Variants in FAXDC2 observed in about 807,000 individuals in gnomAD.
The protein encoded by FAXDC2 is fatty acid hydroxylase domain-containing protein 2.
FAXDC2 carries 41 observed loss-of-function variants against 40.9 expected under a neutral mutation model. That is an observed-to-expected ratio of 1.00 (90% confidence interval 0.78 to 1.30). FAXDC2 has a LOEUF of 1.30. FAXDC2 is among the 50% of genes most tolerant of loss of function. The pLI, the probability that FAXDC2 is intolerant of heterozygous loss-of-function variation, is 0.00. For missense variants in FAXDC2, 390 were observed against 408.8 expected, an observed-to-expected ratio of 0.95 and a Z score of 0.40; for synonymous variants, 157 against 149.3, an observed-to-expected ratio of 1.05 and a Z score of -0.38.
chr5:154,825,650 C>CAAAAAAAAAAAAAGAAAAAA (rs1760010958), intron 5 of FAXDC2, among the ~76,000 whole-genome samples: 1 of 30,150 alleles, frequency 3.3e-5, no homozygotes, highest in Admixed American at 4.2e-4. Flanking sequence ...GACTCCGTCT[C>CAAAAAAAAAAAAAGAAAAAA]AAAAAAAAAA....
At chr5:154,821,016 G>A (rs1485503646) in intron 8 of FAXDC2, 1 of 502,272 alleles carries the variant, frequency 2.0e-6, no homozygotes, top group Non-Finnish European at 3.6e-6. Context: ...TAAAGAGAAT[G>A]TCCAGAGCTT....
At chr5:154,838,590 GTTGGT>G (rs973394610) in intron 1 of FAXDC2, 11 of 215,176 alleles carry the variant, frequency 5.1e-5, no homozygotes, top group African/African-American at 1.9e-4. Context: ...GTTCTAGCAA[GTTGGT>G]TTGGTTTGTT....
At chr5:154,834,080 A>G (rs951305399) in intron 4 of FAXDC2, among the ~76,000 whole-genome samples, 6 of 148,644 alleles carry the variant, frequency 4.0e-5, no homozygotes. Context: ...AATATATATT[A>G]AATAAATTGT....
At chr5:154,820,671 C>T (rs530150912) in intron 8 of FAXDC2, 199 bp from the exon 9 acceptor site, 9 of 479,860 alleles carry the variant, frequency 1.9e-5, no homozygotes, top group African/African-American at 4.1e-5. Flanking sequence ...TGCAATTTGC[C>T]GTATCTGGAG....
At chr5:154,849,434 A>G (rs1195922185) in intron 1 of FAXDC2, among the ~76,000 whole-genome samples, 3 of 152,108 alleles carry the variant, frequency 2.0e-5, no homozygotes, top group East Asian at 1.9e-4. Flanking sequence ...TTGCATGTCC[A>G]TGAGGCCGAG....
chr5:154,847,135 A>T (rs185950840), intron 1 of FAXDC2, among the ~76,000 whole-genome samples: 257 of 151,640 alleles, frequency 1.7e-3, no homozygotes, highest in African/African-American at 5.7e-3. Context: ...GCGAATTTTT[A>T]AAAAATTTTT....
At chr5:154,838,442 A>G (rs1760406140) in intron 1 of FAXDC2, 1 of 455,502 alleles carries the variant, frequency 2.2e-6, no homozygotes, top group South Asian at 2.5e-5. Flanking sequence ...CAAAAAATGT[A>G]TGATAATGCT....
At chr5:154,837,274 T>A (rs912084433) in intron 2 of FAXDC2, among the ~76,000 whole-genome samples, 2 of 151,238 alleles carry the variant, frequency 1.3e-5, no homozygotes, top group African/African-American at 4.9e-5. Context: ...CTTGCTCTTT[T>A]TTTTGTTTTT....
chr5:154,846,177 T>G (rs781534082), intron 1 of FAXDC2, among the ~76,000 whole-genome samples: 1 of 151,658 alleles, frequency 6.6e-6, no homozygotes, highest in Admixed American at 6.6e-5. Context: ...TAGAATACAT[T>G]GATGTTGAAG....
chr5:154,840,677 G>A (rs1012496412), intron 1 of FAXDC2, among the ~76,000 whole-genome samples: 3 of 152,032 alleles, frequency 2.0e-5, no homozygotes, highest in Non-Finnish European at 4.4e-5. Flanking sequence ...CTGAGTAGCT[G>A]GGAATACAGA....
intron 1 of FAXDC2, among the ~76,000 whole-genome samples, chr5:154,842,422 T>C (rs1049735518): frequency 2.0e-5 from 3 of 146,954 alleles, no homozygotes; most frequent in African/African-American, 7.6e-5. Context: ...GCCAGGCTGG[T>C]CTCTAACTCC....
At chr5:154,846,269 AGTGTGTGTGTGT>A (rs10674936) in intron 1 of FAXDC2, among the ~76,000 whole-genome samples, 7 of 147,448 alleles carry the variant, frequency 4.7e-5, no homozygotes, top group Non-Finnish European at 9.0e-5. Flanking sequence ...TGAACTAGAT[AGTGTGTGTGTGT>A]GTGTGTGTGT....
chr5:154,829,963 G>A (rs1294027481), intron 5 of FAXDC2, among the ~76,000 whole-genome samples: 1 of 152,196 alleles, frequency 6.6e-6, no homozygotes, highest in Non-Finnish European at 1.5e-5. Context: ...TCCAGTTCAG[G>A]AAGGGGCCCA....
At chr5:154,835,849 G>A (rs2113153941) in intron 2 of FAXDC2, among the ~76,000 whole-genome samples, 1 of 144,838 alleles carries the variant, frequency 6.9e-6, no homozygotes, top group East Asian at 2.0e-4. Flanking sequence ...CCTAAGTGCT[G>A]GGATTACAGG....
rs532445422 is a variant in FAXDC2 at position 154,828,845 on chromosome 5, C to G, written c.366+1956G>C. Among the ~76,000 whole-genome samples the G allele has an allele frequency of 2.0e-5, 3 of 151,752 alleles. No homozygotes were observed. In the East Asian group the frequency reaches 5.8e-4, roughly 30 times the overall value. On this transcript the variant is annotated intron_variant, in intron 5 of 8. Coordinates refer to ENST00000326080, the MANE Select transcript of FAXDC2 (RefSeq NM_032385.5). ...TGAACTCCTAGCATCAAGCGATCCT[C>G]CTGTCTCTGCCTCCCAAAGTGCTGA...
rs559927462 is a variant in FAXDC2 at position 154,848,118 on chromosome 5, C to A, written c.-1+2365G>T. Among the ~76,000 whole-genome samples the A allele has an allele frequency of 2.0e-5, 3 of 152,280 alleles. No homozygotes were observed. In the East Asian group the frequency reaches 5.8e-4, roughly 29 times the overall value. ...CCTCCCAATGTGCTGGGATTACAGG[C>A]GTGAGCCACCATGCCCGGCCTACTG... On this transcript the variant is annotated intron_variant, in intron 1 of 8. Coordinates refer to ENST00000326080, the MANE Select transcript of FAXDC2 (RefSeq NM_032385.5).
At chr5:154,829,517 A>G (rs956759674) in intron 5 of FAXDC2, 1 of 154,510 alleles carries the variant, frequency 6.5e-6, no homozygotes, top group Middle Eastern at 5.2e-4. Flanking sequence ...CCTAGCAGCA[A>G]TCTGATCTTG....
chr5:154,827,811 G>GT (rs1433564206), intron 5 of FAXDC2, among the ~76,000 whole-genome samples: 1 of 152,032 alleles, frequency 6.6e-6, no homozygotes, highest in African/African-American at 2.4e-5. Flanking sequence ...GCCTTACAAA[G>GT]TGGTAGGATT....
intron 4 of FAXDC2, among the ~76,000 whole-genome samples, chr5:154,834,408 G>T (rs1376096429): frequency 1.3e-5 from 2 of 152,142 alleles, no homozygotes; most frequent in Non-Finnish European, 2.9e-5. Flanking sequence ...TATATTTTGG[G>T]AGGAGTCTTA....
Sources: gnomAD v4.1 joint callset for allele counts (sites outside exome capture counted in the v4.1 genomes callset) on GRCh38, gnomAD v4.1.1 for gene constraint, MANE v1.5 for transcripts, NCBI Gene and HGNC (gene_info 2026-07-23, HGNC 2026-07-21) for gene names.